Variants in NPY2R observed in about 807,000 individuals in gnomAD.
The protein encoded by NPY2R is neuropeptide Y receptor type 2.
In NPY2R, 17 loss-of-function variants were observed where a neutral mutation model predicts 22.3. That is an observed-to-expected ratio of 0.76 (90% CI 0.52 to 1.14). NPY2R has a LOEUF of 1.14. Among genes scored for constraint, NPY2R ranks in the 50% most tolerant of loss-of-function variants. NPY2R has a pLI of 0.00. For synonymous variants in NPY2R, 209 were observed against 183.4 expected (o/e 1.14, Z -1.13); for missense variants, 424 against 467.9 (o/e 0.91, Z 0.87).
chr4:155,214,101 A>G lies in NPY2R; in HGVS notation c.162A>G (p.Ile54Met). The G allele has an allele frequency of 6.2e-7, 1 of 1,614,058 alleles. No individual in the cohort carries two copies. Among genetic ancestry groups the G allele is most frequent in the Non-Finnish European group, 8.5e-7 (1 of 1,179,904 alleles). The change falls in exon 2 of 2, where the codon ATA becomes ATG. Residue 54 changes from isoleucine to methionine, a missense_variant. Transcript: ENST00000329476. ...TGATTGAGGTACAAGTTGTTCTCAT[A>G]TTGGCCTACTGCTCCATCATCTTGC... Reference protein sequence around the residue: ...TKLIEVQVVLILAYCSIILLG... With the variant: ...TKLIEVQVVLMLAYCSIILLG...
chr4:155,197,498 A>C, the NPY2R span, among the ~76,000 whole-genome samples: 2 of 151,700 alleles, frequency 1.3e-5, no homozygotes, highest in African/African-American at 2.4e-5. Flanking sequence ...CCTGACTAGG[A>C]GGAGCTCTCT....
chr4:155,201,046 A>T, the NPY2R span, among the ~76,000 whole-genome samples: 26 of 136,814 alleles, frequency 1.9e-4, no homozygotes, highest in South Asian at 3.9e-3. Flanking sequence ...AAAATATAAA[A>T]CTACAAATGC....
At chr4:155,193,040 A>G in the NPY2R span, among the ~76,000 whole-genome samples, 1 of 151,904 alleles carries the variant, frequency 6.6e-6, no homozygotes, top group Non-Finnish European at 1.5e-5. Flanking sequence ...AGATGTTATG[A>G]GAAGGGATTG....
chr4:155,178,208 T>A, the NPY2R span, among the ~76,000 whole-genome samples: 2 of 152,184 alleles, frequency 1.3e-5, no homozygotes, highest in Non-Finnish European at 2.9e-5. Flanking sequence ...TCTTAACTAC[T>A]GTTTAAAAAC....
chr4:155,175,971 A>G, the NPY2R span, among the ~76,000 whole-genome samples: 1 of 152,128 alleles, frequency 6.6e-6, no homozygotes, highest in African/African-American at 2.4e-5. Flanking sequence ...TTTTGAATAA[A>G]CATACAAGTT....
chr4:155,215,305 T>C lies in NPY2R; in HGVS notation c.*220T>C. ...ACAAAATGGTTTACTTAACAGTTGG[T>C]TGGGTAGTAGGTTGCATTATGAGTA... On this transcript the variant is annotated 3_prime_UTR_variant, in exon 2 of 2. Coordinates refer to ENST00000329476, the MANE Select transcript of NPY2R (RefSeq NM_000910.4). The C allele has an allele frequency of 1.6e-6, 1 of 636,684 alleles. No individual in the cohort carries two copies. Among genetic ancestry groups the C allele is most frequent in the Non-Finnish European group, 2.9e-6 (1 of 347,808 alleles). 39.4% of individuals were successfully genotyped at this position (636,684 alleles called of 1,614,324 possible). A position where few individuals can be genotyped will look rare whatever the true frequency, so the allele number is the denominator to read the frequency against.
At chr4:155,205,203 G>C (rs1361566310), upstream of NPY2R, among the ~76,000 whole-genome samples, 1 of 152,158 alleles carries the variant, frequency 6.6e-6, no homozygotes, top group Non-Finnish European at 1.5e-5. Context: ...CATATGTCTA[G>C]TGGCTACTGT....
chr4:155,197,751 C>T, the NPY2R span, among the ~76,000 whole-genome samples: 1 of 151,730 alleles, frequency 6.6e-6, no homozygotes, highest in Non-Finnish European at 1.5e-5. Flanking sequence ...TATGTATAGA[C>T]ATGGTCTGAG....
chr4:155,186,493 C>T, the NPY2R span, among the ~76,000 whole-genome samples: 6 of 151,940 alleles, frequency 3.9e-5, no homozygotes, highest in Non-Finnish European at 5.9e-5. Flanking sequence ...TATAGATTTA[C>T]GGTGTACAAC....
chr4:155,186,885 A>G, the NPY2R span, among the ~76,000 whole-genome samples: 1 of 152,164 alleles, frequency 6.6e-6, no homozygotes, highest in Admixed American at 6.6e-5. Flanking sequence ...TCTTATATAA[A>G]AATATTTCTT....
At chr4:155,185,771 CCTGG>C in the NPY2R span, among the ~76,000 whole-genome samples, 1 of 114,740 alleles carries the variant, frequency 8.7e-6, no homozygotes, top group Non-Finnish European at 1.8e-5. Flanking sequence ...ATCATGTGTG[CCTGG>C]TGGGTGAATA....
At position 155,214,018 on chromosome 4, in the gene NPY2R, A is replaced by C. The variant is rs1388755795; in HGVS notation, c.79A>C (p.Thr27Pro). ...MKVEQYGPQT[T>P]PRGELVPDPE... ...GGTGGAACAATACGGGCCACAAACA[A>C]CTCCTAGAGGTGAACTGGTCCCTGA... The change falls in exon 2 of 2, where the codon ACT (threonine) becomes CCT (proline). Residue 27 changes from threonine to proline, a missense_variant. Physicochemically the swap from Thr to Pro is conservative, Grantham distance 38. Coordinates refer to ENST00000329476, the MANE Select transcript of NPY2R (RefSeq NM_000910.4). The C allele has an allele frequency of 6.2e-7, 1 of 1,613,864 alleles. No homozygotes were observed. The highest frequency in any genetic ancestry group is 1.7e-5 in the Admixed American group (1 of 60,004).
the NPY2R span, among the ~76,000 whole-genome samples, chr4:155,187,118 G>A: frequency 2.0e-5 from 3 of 152,156 alleles, no homozygotes; most frequent in Non-Finnish European, 4.4e-5. Context: ...TGATGCAACA[G>A]ATAAAGGTTT....
chr4:155,181,610 C>A, the NPY2R span, among the ~76,000 whole-genome samples: 1 of 152,096 alleles, frequency 6.6e-6, no homozygotes, highest in Non-Finnish European at 1.5e-5. Flanking sequence ...ATAAAACAGG[C>A]CTAAGGGAGC....
At chr4:155,201,594 T>A in the NPY2R span, among the ~76,000 whole-genome samples, 4 of 152,048 alleles carry the variant, frequency 2.6e-5, no homozygotes, top group Admixed American at 2.6e-4. Context: ...TAGGTTGCAA[T>A]AAGAAAGCAG....
At chr4:155,212,676 TTAGAG>T (rs1729430934) in intron 1 of NPY2R, among the ~76,000 whole-genome samples, 1 of 152,080 alleles carries the variant, frequency 6.6e-6, no homozygotes, top group African/African-American at 2.4e-5. Flanking sequence ...TAGAAGATGA[TTAGAG>T]TAATCATGAT....
rs1041344555 is a variant in NPY2R at position 155,217,071 on chromosome 4, A to C, written c.*1986A>C. The C allele has an allele frequency of 3.0e-5, 5 of 164,370 alleles. No individual in the cohort carries two copies. Among genetic ancestry groups the C allele is most frequent in the Non-Finnish European group, 7.3e-5 (5 of 68,116 alleles). 10.2% of individuals were successfully genotyped at this position (164,370 alleles called of 1,614,324 possible). On this transcript the variant is annotated 3_prime_UTR_variant, in exon 2 of 2. Coordinates refer to ENST00000329476, the MANE Select transcript of NPY2R (RefSeq NM_000910.4). ...TTATGTTGCAATTAAAAAGTTGGGA[A>C]AATGAGAGAAATTGTGTGGAATTTT...
the NPY2R span, among the ~76,000 whole-genome samples, chr4:155,188,859 G>A: frequency 2.6e-5 from 4 of 152,062 alleles, no homozygotes; most frequent in Non-Finnish European, 4.4e-5. Flanking sequence ...AGTAGAAGAC[G>A]TGGATAAACC....
the NPY2R span, among the ~76,000 whole-genome samples, chr4:155,175,103 G>A: frequency 3.3e-5 from 5 of 152,210 alleles, no homozygotes; most frequent in African/African-American, 1.2e-4. Context: ...GTTAGTTTGA[G>A]AGAGTCTTGC....
Sources: gnomAD v4.1 joint callset for allele counts (sites outside exome capture counted in the v4.1 genomes callset) on GRCh38, gnomAD v4.1.1 for gene constraint, MANE v1.5 for transcripts, NCBI Gene and HGNC (gene_info 2026-07-23, HGNC 2026-07-21) for gene names.